The following CYGB variants were observed in gnomAD, a reference collection of about 807,000 sequenced individuals.
CYGB encodes the protein histoglobin.
A neutral mutation model predicts 20.7 loss-of-function variants in CYGB; 13 were observed. The ratio of observed to expected loss-of-function variants is 0.63; its 90% CI spans 0.41 to 1.00. The LOEUF is 1.00. Ranked by LOEUF, CYGB falls within the 50% of genes least tolerant of loss-of-function variation. The pLI is 0.00. For missense variants in CYGB, 218 were observed against 257.2 expected (o/e 0.85, Z 1.04); for synonymous variants, 93 against 107.4 (o/e 0.87, Z 0.83).
chr17:76,547,975 TACAC>T (rs1055290433), intron 1 of CYGB, among the ~76,000 whole-genome samples: 10 of 148,922 alleles, frequency 6.7e-5, no homozygotes, highest in South Asian at 2.1e-4. Flanking sequence ...CACATAAACA[TACAC>T]ATACATACAC....
At chr17:76,538,071 G>A (rs4563060), upstream of CYGB, 149,316 of 152,700 alleles carry the variant, frequency 0.98, 73,090 homozygotes, top group Middle Eastern at 1. Flanking sequence ...CCGGGTCCCA[G>A]TGCTTGCGGC....
Position 76,531,223 on chromosome 17 carries a change from T to G in CYGB, c.376-81A>C. 2 of 1,428,820 alleles carry G rather than the reference T, an allele frequency of 1.4e-6. No homozygotes were observed. The highest frequency in any genetic ancestry group is 1.3e-5 in the South Asian group (1 of 78,848). The allele number at this position is 1,428,820 out of a possible 1,614,324, so 88.5% of individuals were successfully genotyped here. A position where few individuals can be genotyped will look rare whatever the true frequency, so the allele number is the denominator to read the frequency against. Reference sequence around the variant, plus strand: ...CCCCCAGGCCCCTCCGCCCCACGTGTGGCCGAGAGGATCATTCCTAACGCA... The same window carrying G: ...CCCCCAGGCCCCTCCGCCCCACGTGGGGCCGAGAGGATCATTCCTAACGCA... On this transcript the variant is annotated intron_variant, in intron 2 of 3. Coordinates refer to ENST00000293230, the MANE Select transcript of CYGB (RefSeq NM_134268.5). The surrounding 1 kb of genome is among the most constrained non-coding windows in gnomAD (Gnocchi z 7.4).
upstream of CYGB, chr17:76,540,247 T>C (rs2074971457): frequency 4.6e-6 from 1 of 218,182 alleles, no homozygotes; most frequent in Non-Finnish European, 7.7e-6. The surrounding 1 kb of genome is among the most constrained non-coding windows in gnomAD (Gnocchi z 5.0). Flanking sequence ...GGCTGGCGGT[T>C]GGTCGGGGGG....
rs2074827999 is a variant in CYGB, at chr17:76,530,847, C to G, written c.539+132G>C. On this transcript the variant is annotated intron_variant, in intron 3 of 3. Transcript: ENST00000293230. The surrounding 1 kb of genome is among the most constrained non-coding windows in gnomAD (Gnocchi z 6.1). ...TATGCCTGTTCTTACATGTCAGACC[C>G]CAGGGTTGGCCTGCCTCAAGTGTGC... is the stretch of plus-strand genomic sequence containing the variant. 3.0e-6 allele frequency: 3 copies of G among 1,002,208 alleles called. No homozygotes were observed. The East Asian group carries it at 8.0e-5, about 27-fold the overall frequency. 62.1% of individuals were successfully genotyped at this position (1,002,208 alleles called of 1,614,324 possible).
intron 1 of CYGB, chr17:76,544,332 C>T (rs1007692136): frequency 2.2e-6 from 1 of 454,356 alleles, no homozygotes; most frequent in Non-Finnish European, 4.4e-6. Flanking sequence ...AGCAGCACTT[C>T]AGCCGCCACT....
At position 76,537,527 on chromosome 17, in the gene CYGB, C is replaced by G. The variant is rs1598208353; in HGVS notation, c.16G>C (p.Gly6Arg). MEKVP[G>R]EMEIERRERS... ...TCCCTGCGCTCGATCTCCATCTCGCCTGGCACTTTCTCCATGAGCAGCTCC... is the reference window on the plus strand; with the variant it reads ...TCCCTGCGCTCGATCTCCATCTCGCGTGGCACTTTCTCCATGAGCAGCTCC... Residue 6 changes from glycine to arginine, a missense_variant, in exon 1 of 4, where the codon GGC (glycine) becomes CGC (arginine). Gly to Arg is a moderately radical substitution (Grantham distance 125). Around this residue, in one of 2 missense-constraint regions of CYGB, gnomAD observed 152 missense variants for 149.9 expected, o/e 1.01. Coordinates refer to ENST00000293230, the MANE Select transcript of CYGB (RefSeq NM_134268.5). 6.4e-7 allele frequency: 1 copy of G among 1,563,658 alleles called. No homozygotes were observed. The highest frequency in any genetic ancestry group is 2.6e-5 in the East Asian group (1 of 38,540).
chr17:76,548,911 G>T (rs917623557), intron 1 of CYGB, among the ~76,000 whole-genome samples: 1 of 152,178 alleles, frequency 6.6e-6, no homozygotes, highest in African/African-American at 2.4e-5. Context: ...ACAGTTCCCT[G>T]ACTGTGCCTT....
At chr17:76,532,455 T>TAAG (rs2074856539) in intron 1 of CYGB, among the ~76,000 whole-genome samples, 1 of 151,920 alleles carries the variant, frequency 6.6e-6, no homozygotes, top group Non-Finnish European at 1.5e-5. Context: ...CGTGTCAGAC[T>TAAG]GGATCCCAAG....
chr17:76,537,376 C>A, intron 1 of CYGB, 24 bp downstream of exon 1: 1 of 1,573,236 alleles, frequency 6.4e-7, no homozygotes, highest in Non-Finnish European at 8.6e-7. Flanking sequence ...TGCCCAGGGC[C>A]CGGCCGGGCC....
intron 1 of CYGB, chr17:76,543,710 G>T: frequency 2.1e-6 from 1 of 465,932 alleles, no homozygotes. Context: ...GTCAGCCCAG[G>T]AGCTATTCTG....
rs2074849249 is a variant in CYGB, at chr17:76,531,878, C to T, written c.144-187G>A. On this transcript the variant is annotated intron_variant, in intron 1 of 3. Transcript: ENST00000293230. This position sits in a 1 kb window ranked among gnomAD's most constrained non-coding sequence, Gnocchi z 7.4. ...TCCCTCTGGCCAAGCCGGCTCACCCCTACCAAGTCTGGCCATGTCTATCTG... is the reference window on the plus strand; with the variant it reads ...TCCCTCTGGCCAAGCCGGCTCACCCTTACCAAGTCTGGCCATGTCTATCTG... 1.8e-6 allele frequency: 1 copy of T among 557,618 alleles called. No homozygotes were observed. Among genetic ancestry groups the T allele is most frequent in the African/African-American group, 1.9e-5 (1 of 53,400 alleles). The allele number at this position is 557,618 out of a possible 1,614,324, so 34.5% of individuals were successfully genotyped here. A position where few individuals can be genotyped will look rare whatever the true frequency, so the allele number is the denominator to read the frequency against.
chr17:76,532,779 C>T (rs1261873606), intron 1 of CYGB, among the ~76,000 whole-genome samples: 1 of 152,096 alleles, frequency 6.6e-6, no homozygotes, highest in Non-Finnish European at 1.5e-5. Flanking sequence ...TCAGGCGATC[C>T]GCCTGCCTCA....
intron 1 of CYGB, among the ~76,000 whole-genome samples, chr17:76,548,342 T>C (rs1331079806): frequency 2.0e-5 from 3 of 152,192 alleles, no homozygotes; most frequent in Non-Finnish European, 2.9e-5. Context: ...GCAGAAGCCA[T>C]TTGAACTAAG....
chr17:76,532,833 G>A (rs1460435148), intron 1 of CYGB, among the ~76,000 whole-genome samples: 1 of 152,158 alleles, frequency 6.6e-6, no homozygotes, highest in South Asian at 2.1e-4. Flanking sequence ...CACCACGCCC[G>A]GCCGACAATG....
chr17:76,530,579 C>T lies in CYGB; in HGVS notation c.539+400G>A, dbSNP rs2074824633. Among the ~76,000 whole-genome samples, 1 of 152,180 alleles carries T rather than the reference C, an allele frequency of 6.6e-6. No individual in the cohort carries two copies. The highest frequency in any genetic ancestry group is 1.5e-5 in the Non-Finnish European group (1 of 68,032). ...GTCGGCATGAGATGAAAAAACAGCC[C>T]CTTGTGATTGGCACCCAGGGAGGAA... On this transcript the variant is annotated intron_variant, in intron 3 of 3. Coordinates refer to ENST00000293230, the MANE Select transcript of CYGB (RefSeq NM_134268.5). The surrounding 1 kb of genome is among the most constrained non-coding windows in gnomAD (Gnocchi z 6.1).
chr17:76,545,289 A>G (rs2075043443), intron 1 of CYGB: 1 of 456,612 alleles, frequency 2.2e-6, no homozygotes, highest in African/African-American at 2.0e-5. Context: ...TCCTTGGCCC[A>G]CTGGCTCCCA....
intron 1 of CYGB, among the ~76,000 whole-genome samples, chr17:76,534,703 C>G (rs2074895922): frequency 6.6e-6 from 1 of 152,104 alleles, no homozygotes; most frequent in African/African-American, 2.4e-5. Flanking sequence ...CCAGGCAGGC[C>G]CGCTTTGACA....
intron 1 of CYGB, chr17:76,547,480 T>G (rs891288090): frequency 6.6e-6 from 1 of 152,288 alleles, no homozygotes; most frequent in African/African-American, 2.4e-5. Flanking sequence ...CCAGTCCTTG[T>G]GCCTAAGGAG....
At position 76,533,750 on chromosome 17, in the gene CYGB, A is replaced by C. The variant is rs79886444; in HGVS notation, c.144-2059T>G. The stretch of plus-strand genomic sequence containing the variant: ...AAGAAATAATGATAATAATAATAAT[A>C]AAAGGTCAGGTGTGGTGGCTCATGC... On this transcript the variant is annotated intron_variant, in intron 1 of 3. Transcript: ENST00000293230. The surrounding 1 kb of genome is among the most constrained non-coding windows in gnomAD (Gnocchi z 4.5). Among the ~76,000 whole-genome samples the C allele has an allele frequency of 4.5e-3, 686 of 151,668 alleles. 4 individuals carry two copies. The highest frequency in any genetic ancestry group is 0.014 in the Middle Eastern group (4 of 286).
Sources: gnomAD v4.1 joint callset for allele counts (sites outside exome capture counted in the v4.1 genomes callset) on GRCh38, gnomAD v4.1.1 for gene constraint, gnomAD v4.1.1 regional missense constraint, Gnocchi (gnomAD v3.1) non-coding constraint, MANE v1.5 for transcripts, NCBI Gene and HGNC (gene_info 2026-07-23, HGNC 2026-07-21) for gene names.